Variants in SP4 observed in about 807,000 individuals in gnomAD.
The protein encoded by SP4 is transcription factor Sp4.
SP4 carries 19 observed loss-of-function variants against 72.8 expected under a neutral mutation model. The ratio of observed to expected loss-of-function variants is 0.26; its 90% CI spans 0.18 to 0.38. The LOEUF is 0.38. Ranked by LOEUF, SP4 falls within the 10% of genes least tolerant of loss-of-function variation. The probability of loss-of-function intolerance (pLI) is 1.00; values close to 1 mark genes in which losing one functional copy is unlikely to be tolerated. For missense variants in SP4, 1,008 were observed against 926.3 expected (o/e 1.09, Z -1.14); for synonymous variants, 395 against 333.1 (o/e 1.19, Z -2.02).
intron 5 of SP4, among the ~76,000 whole-genome samples, chr7:21,487,337 T>G (rs1469257035): frequency 6.6e-6 from 1 of 151,402 alleles, no homozygotes; most frequent in Non-Finnish European, 1.5e-5. Context: ...CCTCTCTCCC[T>G]CTCTCTCTCT....
At chr7:21,428,918 T>G (rs2128387363) in intron 2 of SP4, 126 bp downstream of exon 2, 1 of 778,212 alleles carries the variant, frequency 1.3e-6, no homozygotes, top group South Asian at 1.9e-5. Context: ...TCTGAGAGTG[T>G]GGAACTTAAA....
At chr7:21,428,322 C>A (rs528844796) in intron 1 of SP4, 64 bp downstream of exon 1, 1 of 828,560 alleles carries the variant, frequency 1.2e-6, no homozygotes, top group South Asian at 1.4e-5. Context: ...CTCCCCAGAC[C>A]CTGCTCGGTT....
chr7:21,438,325 C>A (rs773852598), intron 3 of SP4, among the ~76,000 whole-genome samples: 2 of 152,146 alleles, frequency 1.3e-5, no homozygotes, highest in Non-Finnish European at 2.9e-5. Flanking sequence ...CCAGAGTTCT[C>A]TGTAAGTCTT....
intron 4 of SP4, among the ~76,000 whole-genome samples, chr7:21,479,396 C>T (rs187880069): frequency 1.3e-5 from 2 of 151,998 alleles, no homozygotes; most frequent in African/African-American, 4.8e-5. Context: ...ACTGTCCTTT[C>T]TCCGTTGAAT....
intron 3 of SP4, among the ~76,000 whole-genome samples, chr7:21,440,767 A>G (rs1335258923): frequency 6.6e-6 from 1 of 152,128 alleles, no homozygotes; most frequent in Non-Finnish European, 1.5e-5. Context: ...GGAGAATTGC[A>G]TGAGCCTGAA....
intron 4 of SP4, among the ~76,000 whole-genome samples, chr7:21,477,616 A>T (rs1432144373): frequency 6.9e-6 from 1 of 145,494 alleles, no homozygotes; most frequent in Non-Finnish European, 1.5e-5. Context: ...AGCTCACTGC[A>T]ATCTCTGCCT....
intron 3 of SP4, among the ~76,000 whole-genome samples, chr7:21,460,255 C>A (rs1343690134): frequency 6.6e-6 from 1 of 152,102 alleles, no homozygotes; most frequent in Non-Finnish European, 1.5e-5. Context: ...AGAGTTTGTT[C>A]CTTCTGATGT....
At chr7:21,442,320 G>A (rs146791914) in intron 3 of SP4, among the ~76,000 whole-genome samples, 2 of 152,108 alleles carry the variant, frequency 1.3e-5, no homozygotes, top group Admixed American at 1.3e-4. Flanking sequence ...GATTACAGGC[G>A]TAAGCCACCA....
chr7:21,495,098 A>G (rs1487358208), intron 5 of SP4, among the ~76,000 whole-genome samples: 1 of 152,192 alleles, frequency 6.6e-6, no homozygotes, highest in Non-Finnish European at 1.5e-5. Context: ...TGATTCAGAG[A>G]CTTAAATCCA....
chr7:21,506,338 AG>A (rs1781999969), intron 5 of SP4, among the ~76,000 whole-genome samples: 1 of 152,150 alleles, frequency 6.6e-6, no homozygotes, highest in African/African-American at 2.4e-5. Flanking sequence ...TCTACTCAGA[AG>A]GTGCTCCTGC....
At chr7:21,450,223 G>T (rs1783547783) in intron 3 of SP4, among the ~76,000 whole-genome samples, 1 of 152,118 alleles carries the variant, frequency 6.6e-6, no homozygotes, top group East Asian at 1.9e-4. Context: ...TGTTTTTATG[G>T]TAAATTTGAC....
At chr7:21,483,728 A>G (rs1396641306) in intron 5 of SP4, among the ~76,000 whole-genome samples, 4 of 151,664 alleles carry the variant, frequency 2.6e-5, no homozygotes, top group African/African-American at 7.3e-5. Flanking sequence ...CTCTTACTAT[A>G]TTAATGACTG....
In SP4 at chr7:21,513,814, G is replaced by A. The variant is rs1320869747; in HGVS notation, c.*2545G>A. 6.6e-6 allele frequency: 1 copy of A among 152,162 alleles called. No homozygotes were observed. The highest frequency in any genetic ancestry group is 1.5e-5 in the Non-Finnish European group (1 of 68,000). The allele number at this position is 152,162 out of a possible 1,614,324, so 9.4% of individuals were successfully genotyped here. A position where few individuals can be genotyped will look rare whatever the true frequency, so the allele number is the denominator to read the frequency against. ...GATAGCTTTATAGCATATAAAATAT[G>A]TTAATTTGTGTTAGCAGGTGCACAT... On this transcript the variant is annotated 3_prime_UTR_variant, in exon 6 of 6. Coordinates refer to ENST00000222584, the MANE Select transcript of SP4 (RefSeq NM_003112.5).
chr7:21,488,875 AATAT>A (rs1314441432), intron 5 of SP4, among the ~76,000 whole-genome samples: 1 of 152,236 alleles, frequency 6.6e-6, no homozygotes, highest in Non-Finnish European at 1.5e-5. Context: ...TACATGTGTT[AATAT>A]AGTGTACTTT....
At chr7:21,434,672 A>G (rs887317056) in intron 3 of SP4, among the ~76,000 whole-genome samples, 1 of 151,992 alleles carries the variant, frequency 6.6e-6, no homozygotes, top group East Asian at 1.9e-4. Context: ...TATATTGCAT[A>G]GTGGAGAAGT....
chr7:21,437,210 G>A (rs557099778), intron 3 of SP4, among the ~76,000 whole-genome samples: 1 of 152,314 alleles, frequency 6.6e-6, no homozygotes, highest in Non-Finnish European at 1.5e-5. Context: ...GTCCTTGAAT[G>A]AATTATTGAG....
At chr7:21,498,008 T>C (rs1781765964) in intron 5 of SP4, among the ~76,000 whole-genome samples, 2 of 152,168 alleles carry the variant, frequency 1.3e-5, no homozygotes, top group South Asian at 4.1e-4. Flanking sequence ...AGTCTTCTTA[T>C]ATCCCTTGTC....
chr7:21,430,436 C>T lies in SP4; in HGVS notation c.1271C>T (p.Ser424Leu), dbSNP rs754672843. ...QQIIQAIPPQ[S>L]FQLQSGQTIQ... ...ATCATTCAGGCTATTCCACCACAGTCGTTTCAACTCCAGTCAGGGCAGACG... is the reference window on the plus strand; with the variant it reads ...ATCATTCAGGCTATTCCACCACAGTTGTTTCAACTCCAGTCAGGGCAGACG... The change falls in exon 3 of 6, where the codon TCG becomes TTG. Residue 424 changes from serine to leucine, a missense_variant. Transcript: ENST00000222584. 6.8e-6 allele frequency: 11 copies of T among 1,614,078 alleles called. No homozygotes were observed. The East Asian group carries it at 1.6e-4, about 23-fold the overall frequency.
intron 5 of SP4, among the ~76,000 whole-genome samples, chr7:21,506,324 GGGA>G (rs1256240037): frequency 6.6e-6 from 1 of 152,092 alleles, no homozygotes; most frequent in African/African-American, 2.4e-5. Context: ...GGTTCCTGGT[GGGA>G]TCTACTCAGA....
Sources: gnomAD v4.1 joint callset for allele counts (sites outside exome capture counted in the v4.1 genomes callset) on GRCh38, gnomAD v4.1.1 for gene constraint, MANE v1.5 for transcripts, NCBI Gene and HGNC (gene_info 2026-07-23, HGNC 2026-07-21) for gene names.